DMD: variants seen among roughly 807,000 people sequenced by gnomAD.
DMD encodes the protein dystrophin.
In DMD, 63 loss-of-function variants were observed where a neutral mutation model predicts 330.1. The ratio of observed to expected loss-of-function variants is 0.19; its 90% CI spans 0.16 to 0.24. DMD has a LOEUF of 0.24. DMD is among the 10% of genes least tolerant of loss of function. The pLI, the probability that DMD is intolerant of heterozygous loss-of-function variation, is 1.00. For missense variants in DMD, 3,344 were observed against 2,684.1 expected, an observed-to-expected ratio of 1.25 and a Z score of -5.43; for synonymous variants, 1,223 against 959.8, an observed-to-expected ratio of 1.27 and a Z score of -5.07.
chrX:31,837,745 G>A lies in DMD; in HGVS notation c.7099-926C>T, dbSNP rs190670074. Among the ~76,000 whole-genome samples, 15 of 111,594 alleles carry A rather than the reference G, an allele frequency of 1.3e-4. No individual in the cohort carries two copies. The East Asian group carries it at 3.7e-3, about 27-fold the overall frequency. On this transcript the variant is annotated intron_variant, in intron 48 of 78. Coordinates refer to ENST00000357033, the MANE Select transcript of DMD (RefSeq NM_004006.3). ...GTGTCTCCGTGCCACTGTTTCCTTC[G>A]TATACTGTGTTTGTACCTGTTCCCT... is the stretch of plus-strand genomic sequence containing the variant.
chrX:31,260,540 A>C (rs1203053817), intron 63 of DMD, among the ~76,000 whole-genome samples: 1 of 111,902 alleles, frequency 8.9e-6, no homozygotes, highest in Non-Finnish European at 1.9e-5. Flanking sequence ...AAGACGGCAG[A>C]AAATTCCTTT....
chrX:32,623,441 TTAA>T (rs1312090730), intron 11 of DMD, among the ~76,000 whole-genome samples: 3 of 111,823 alleles, frequency 2.7e-5, no homozygotes, highest in Non-Finnish European at 5.6e-5. Context: ...TAAAATGTCA[TTAA>T]TATTAGTTGT....
At chrX:31,398,556 T>A (rs2061048880) in intron 60 of DMD, among the ~76,000 whole-genome samples, 1 of 112,487 alleles carries the variant, frequency 8.9e-6, no homozygotes, top group South Asian at 3.7e-4. Flanking sequence ...CTCAAAGTGC[T>A]AGGATTACAG....
Position 32,359,520 on chromosome X carries a change from C to G in DMD, c.5325+3268G>C, listed in dbSNP as rs747707623. 9.9e-5 allele frequency among the ~76,000 whole-genome samples: 11 copies of G among 111,345 alleles called. No homozygotes were observed. The East Asian group carries it at 3.1e-3, about 31-fold the overall frequency. ...AACCATAGAAAAGCCATATTCTAACCTAATATTATCCTGTATAACCCCTAC... is the reference window on the plus strand; with the variant it reads ...AACCATAGAAAAGCCATATTCTAACGTAATATTATCCTGTATAACCCCTAC... On this transcript the variant is annotated intron_variant, in intron 37 of 78. Coordinates refer to ENST00000357033, the MANE Select transcript of DMD (RefSeq NM_004006.3).
intron 2 of DMD, among the ~76,000 whole-genome samples, chrX:32,932,474 G>A (rs2089672325): frequency 1.8e-5 from 2 of 111,621 alleles, no homozygotes; most frequent in African/African-American, 6.5e-5. Flanking sequence ...CCATCTATGG[G>A]GTAAAAATGC....
chrX:31,401,528 G>T (rs895048102), intron 60 of DMD, among the ~76,000 whole-genome samples: 1 of 111,350 alleles, frequency 9.0e-6, no homozygotes, highest in African/African-American at 3.3e-5. Context: ...TGATATAAAT[G>T]ATCTCATTTA....
intron 44 of DMD, among the ~76,000 whole-genome samples, chrX:31,978,909 C>G (rs1486662027): frequency 8.9e-6 from 1 of 111,925 alleles, no homozygotes; most frequent in Non-Finnish European, 1.9e-5. Context: ...GCCCCAAATA[C>G]TAACTCTATT....
At chrX:32,159,139 A>T (rs1242288613) in intron 44 of DMD, among the ~76,000 whole-genome samples, 10 of 112,303 alleles carry the variant, frequency 8.9e-5, no homozygotes, top group African/African-American at 2.9e-4. Flanking sequence ...CTCCCAATGA[A>T]ATCCAACCTC....
At chrX:32,021,745 T>G (rs1432714612) in intron 44 of DMD, among the ~76,000 whole-genome samples, 1 of 112,384 alleles carries the variant, frequency 8.9e-6, no homozygotes, top group Non-Finnish European at 1.9e-5. Context: ...GATTTGGATA[T>G]ACTAGGCTAA....
At chrX:32,837,131 G>C (rs1446942483) in intron 4 of DMD, among the ~76,000 whole-genome samples, 1 of 111,894 alleles carries the variant, frequency 8.9e-6, no homozygotes, top group Non-Finnish European at 1.9e-5. Context: ...CAACATCAGA[G>C]TTCTCGGCAT....
intron 7 of DMD, among the ~76,000 whole-genome samples, chrX:32,735,923 C>T (rs1414541849): frequency 1.8e-5 from 2 of 111,702 alleles, no homozygotes; most frequent in South Asian, 3.7e-4. Flanking sequence ...AATGGGATCT[C>T]GTTAAACTAA....
intron 7 of DMD, among the ~76,000 whole-genome samples, chrX:32,797,588 A>C (rs1206296661): frequency 8.9e-6 from 1 of 112,265 alleles, no homozygotes; most frequent in African/African-American, 3.2e-5. Context: ...AATAAAATTA[A>C]CAAATACCAA....
At chrX:31,593,226 C>T (rs1195882575) in intron 55 of DMD, among the ~76,000 whole-genome samples, 1 of 111,080 alleles carries the variant, frequency 9.0e-6, no homozygotes, top group African/African-American at 3.3e-5. Context: ...TGGTGGCACA[C>T]AGTTTAAGTA....
chrX:31,694,614 C>T (rs1225007240), intron 52 of DMD, among the ~76,000 whole-genome samples: 1 of 57,600 alleles, frequency 1.7e-5, no homozygotes. Flanking sequence ...AGATGACAAA[C>T]AGCATATATA....
intron 47 of DMD, among the ~76,000 whole-genome samples, chrX:31,916,180 C>T (rs1463495): frequency 0.23 from 25,832 of 111,216 alleles, 2,389 homozygotes; most frequent in African/African-American, 0.33. Context: ...AAGCCAGCCC[C>T]TAGCCCACCC....
intron 45 of DMD, among the ~76,000 whole-genome samples, chrX:31,952,449 A>AT (rs35582598): frequency 1.1e-3 from 106 of 96,966 alleles, no homozygotes; most frequent in Middle Eastern, 0.011. Context: ...AAATTTACTG[A>AT]TTTTTTTTTT....
intron 20 of DMD, among the ~76,000 whole-genome samples, chrX:32,486,763 T>G (rs1224715838): frequency 1.9e-5 from 2 of 106,225 alleles, no homozygotes; most frequent in Non-Finnish European, 3.9e-5. Context: ...GGATTCCCTA[T>G]TTAATAAATG....
intron 2 of DMD, among the ~76,000 whole-genome samples, chrX:32,988,431 A>T (rs2147281648): frequency 8.9e-6 from 1 of 111,872 alleles, no homozygotes; most frequent in South Asian, 3.8e-4. Context: ...TTCAATGGAA[A>T]AACGACCGTG....
chrX:32,205,695 G>A (rs1304901178), intron 44 of DMD, among the ~76,000 whole-genome samples: 1 of 111,971 alleles, frequency 8.9e-6, no homozygotes, highest in Non-Finnish European at 1.9e-5. Context: ...AGCTCCAAAA[G>A]TAAAAGTTTT....
Sources: allele counts gnomAD v4.1 joint callset (sites outside exome capture counted in the v4.1 genomes callset), GRCh38; gene constraint gnomAD v4.1.1; transcripts MANE v1.5; gene names NCBI Gene and HGNC (gene_info 2026-07-23, HGNC 2026-07-21).